GNB4: variants seen among roughly 807,000 people sequenced by gnomAD.
The protein encoded by GNB4 is G protein subunit beta 4.
GNB4 carries 28 observed loss-of-function variants against 45.2 expected under a neutral mutation model. The observed-to-expected ratio is 0.62, with a 90% CI of 0.46 to 0.85. GNB4 has a LOEUF of 0.85. GNB4 is among the 40% of genes least tolerant of loss of function. The pLI is 0.00. For missense variants in GNB4, 321 were observed against 425.4 expected (o/e 0.75, Z 2.16); for synonymous variants, 132 against 143.7 (o/e 0.92, Z 0.58).
chr3:179,525,851 T>C, the GNB4 span, among the ~76,000 whole-genome samples: 8 of 152,226 alleles, frequency 5.3e-5, no homozygotes, highest in African/African-American at 1.9e-4. Flanking sequence ...CCTTGGGTTG[T>C]TTGGTCTGAC....
intron 2 of GNB4, 121 bp from the exon 3 acceptor site, chr3:179,421,048 T>G: frequency 1.6e-6 from 1 of 622,530 alleles, no homozygotes; most frequent in Non-Finnish European, 2.9e-6. Flanking sequence ...TTTAAAAATT[T>G]TTTTAATTGA....
At chr3:179,401,701 CAA>C (rs910165220) in intron 9 of GNB4, among the ~76,000 whole-genome samples, 41 of 152,260 alleles carry the variant, frequency 2.7e-4, no homozygotes, top group Non-Finnish European at 5.4e-4. Context: ...TCAACAAAAA[CAA>C]GATTTTCAAT....
the GNB4 span, among the ~76,000 whole-genome samples, chr3:179,507,430 G>A: frequency 1.5e-4 from 23 of 152,178 alleles, no homozygotes; most frequent in African/African-American, 4.6e-4. Flanking sequence ...GAGGAAGGAA[G>A]GAAGGAAGGA....
At position 179,414,901 on chromosome 3, in the gene GNB4, C is replaced by T; in HGVS notation, c.414G>A (p.Glu138=). ...GAAGCTCACCTGTGTGACCTGGCAA[C>T]TCTCGGCTTACTCTCACATTTCCCT... is the stretch of plus-strand genomic sequence containing the variant. The part of the protein sequence containing the change: ...TREGNVRVSR[E]LPGHTGYLSC... The change falls in exon 6 of 10, where the codon GAG becomes GAA. Residue 138 remains glutamate (E), a synonymous_variant. Coordinates refer to ENST00000232564, the MANE Select transcript of GNB4 (RefSeq NM_021629.4). 1.3e-6 allele frequency: 2 copies of T among 1,589,296 alleles called. No individual in the cohort carries two copies. Among genetic ancestry groups the T allele is most frequent in the African/African-American group, 2.7e-5 (2 of 74,808 alleles).
rs1487335133 is a variant in GNB4, at chr3:179,401,441, TAAA to T, written c.917-125_917-123del. 6 of 440,614 alleles carry T rather than the reference TAAA, an allele frequency of 1.4e-5. No individual in the cohort carries two copies. In the East Asian group the frequency reaches 2.1e-4, roughly 16 times the overall value. The allele number at this position is 440,614 out of a possible 1,614,324, so 27.3% of individuals were successfully genotyped here. On this transcript the variant is annotated intron_variant, in intron 9 of 9. Coordinates refer to ENST00000232564, the MANE Select transcript of GNB4 (RefSeq NM_021629.4). ...CCAGTTTTCTTGAAAGTTCATCAGT[TAAA>T]AAATAATAATAATTTAAAAGAAAAC...
the GNB4 span, among the ~76,000 whole-genome samples, chr3:179,515,926 A>C: frequency 1.3e-5 from 2 of 152,126 alleles, no homozygotes; most frequent in African/African-American, 4.8e-5. Context: ...TGTTGTATAG[A>C]ATGGTTGGTG....
chr3:179,433,471 T>C (rs932495263), intron 1 of GNB4, among the ~76,000 whole-genome samples: 35 of 151,980 alleles, frequency 2.3e-4, no homozygotes, highest in Non-Finnish European at 4.9e-4. Context: ...CTGGGCATGG[T>C]GGTCCACGCT....
At chr3:179,468,035 A>AAAAAAAAAAAAAAT in the GNB4 span, among the ~76,000 whole-genome samples, 560 of 89,848 alleles carry the variant, frequency 6.2e-3, 37 homozygotes, top group Admixed American at 0.035. Context: ...TGTTGATAAA[A>AAAAAAAAAAAAAAT]ATATATATAT....
At chr3:179,506,218 G>A in the GNB4 span, among the ~76,000 whole-genome samples, 15 of 152,146 alleles carry the variant, frequency 9.9e-5, no homozygotes, top group Middle Eastern at 3.4e-3. Flanking sequence ...CATGCCTGTA[G>A]TCCCTGCTAC....
At chr3:179,407,349 C>T (rs188200205) in intron 8 of GNB4, among the ~76,000 whole-genome samples, 2 of 152,262 alleles carry the variant, frequency 1.3e-5, no homozygotes, top group Admixed American at 6.5e-5. Flanking sequence ...GTCCCAGCTA[C>T]CTGGGAGGCT....
the GNB4 span, among the ~76,000 whole-genome samples, chr3:179,458,690 A>G: frequency 6.6e-6 from 1 of 152,238 alleles, no homozygotes; most frequent in Non-Finnish European, 1.5e-5. Flanking sequence ...TACCTGTGAT[A>G]CAATATAAAT....
At chr3:179,496,184 A>T in the GNB4 span, among the ~76,000 whole-genome samples, 4 of 152,208 alleles carry the variant, frequency 2.6e-5, no homozygotes, top group Non-Finnish European at 5.9e-5. Flanking sequence ...CATCAAAAAC[A>T]TAAAATGAGG....
At chr3:179,431,907 T>C (rs1016623765) in intron 1 of GNB4, among the ~76,000 whole-genome samples, 3 of 152,216 alleles carry the variant, frequency 2.0e-5, no homozygotes, top group Non-Finnish European at 4.4e-5. Context: ...GTGGAGAACC[T>C]TTCAGTTTCA....
the GNB4 span, chr3:179,464,324 G>A: frequency 1.8e-5 from 12 of 666,802 alleles, no homozygotes; most frequent in South Asian, 3.3e-5. Flanking sequence ...AACAGGTCCC[G>A]GCGCAGTCAC....
chr3:179,429,287 C>T (rs555684893), intron 1 of GNB4, among the ~76,000 whole-genome samples: 34 of 152,324 alleles, frequency 2.2e-4, no homozygotes, highest in African/African-American at 7.0e-4. Flanking sequence ...ATCCAGTGCA[C>T]GTGCAGCATC....
At chr3:179,471,897 AAG>A in the GNB4 span, among the ~76,000 whole-genome samples, 1 of 152,232 alleles carries the variant, frequency 6.6e-6, no homozygotes, top group Non-Finnish European at 1.5e-5. Context: ...AGTGTGTACT[AAG>A]AGCATTAAAA....
chr3:179,523,836 G>C, the GNB4 span, among the ~76,000 whole-genome samples: 2 of 152,146 alleles, frequency 1.3e-5, no homozygotes, highest in Admixed American at 6.5e-5. Context: ...GAAAAGGGCG[G>C]CAATGAGGTG....
upstream of GNB4, among the ~76,000 whole-genome samples, chr3:179,452,873 A>C (rs954678897): frequency 5.9e-5 from 9 of 152,206 alleles, no homozygotes; most frequent in Admixed American, 4.6e-4. Context: ...TTATGTTTTA[A>C]TGATTAAATC....
chr3:179,404,526 A>G (rs1714405751), intron 9 of GNB4, among the ~76,000 whole-genome samples: 1 of 152,110 alleles, frequency 6.6e-6, no homozygotes, highest in Non-Finnish European at 1.5e-5. Flanking sequence ...GTCCCAACAA[A>G]ACAAAACAAA....
Sources: allele counts gnomAD v4.1 joint callset (sites outside exome capture counted in the v4.1 genomes callset), GRCh38; gene constraint gnomAD v4.1.1; transcripts MANE v1.5; gene names NCBI Gene and HGNC (gene_info 2026-07-23, HGNC 2026-07-21).